FAM124B: variants seen among roughly 807,000 people sequenced by gnomAD.
The protein encoded by FAM124B is family with sequence similarity 124 member B.
In FAM124B, 18 loss-of-function variants were observed where a neutral mutation model predicts 19.7. The ratio of observed to expected loss-of-function variants is 0.92; its 90% CI spans 0.63 to 1.36. The LOEUF is 1.36. Ranked by LOEUF, FAM124B falls within the 40% of genes most tolerant of loss-of-function variation. FAM124B has a pLI of 0.00. For synonymous variants in FAM124B, 223 were observed against 225.2 expected (o/e 0.99, Z 0.09); for missense variants, 540 against 553.3 (o/e 0.98, Z 0.24).
intron 1 of FAM124B, among the ~76,000 whole-genome samples, chr2:224,398,361 G>A (rs1690009123): frequency 2.0e-5 from 3 of 152,086 alleles, no homozygotes. Flanking sequence ...GCCTCCCAAA[G>A]TGCTAGTATT....
At chr2:224,380,539 A>G (rs1265139507) in intron 1 of FAM124B, among the ~76,000 whole-genome samples, 1 of 152,206 alleles carries the variant, frequency 6.6e-6, no homozygotes, top group East Asian at 1.9e-4. Context: ...CAGTGACCTC[A>G]CTGGATGTTG....
chr2:224,400,333 C>T (rs1430686547), intron 1 of FAM124B: 2 of 612,174 alleles, frequency 3.3e-6, no homozygotes, highest in African/African-American at 1.8e-5. Flanking sequence ...CATAGTGAGA[C>T]CCCGTCTCTA....
chr2:224,380,613 G>GTTAA (rs1179374571), intron 1 of FAM124B, among the ~76,000 whole-genome samples: 1 of 152,196 alleles, frequency 6.6e-6, no homozygotes, highest in Non-Finnish European at 1.5e-5. Flanking sequence ...AAACCATGTG[G>GTTAA]TTAAAGTTAA....
intron 1 of FAM124B, among the ~76,000 whole-genome samples, chr2:224,387,817 A>AC (rs1229950234): frequency 6.6e-6 from 1 of 152,216 alleles, no homozygotes; most frequent in Non-Finnish European, 1.5e-5. Flanking sequence ...AGAAAGGAGA[A>AC]CATGGAGCCC....
At chr2:224,386,221 G>T (rs908885585) in intron 1 of FAM124B, among the ~76,000 whole-genome samples, 1 of 152,110 alleles carries the variant, frequency 6.6e-6, no homozygotes, top group Non-Finnish European at 1.5e-5. Context: ...TCCACATGCT[G>T]AAATGGAACA....
chr2:224,395,211 A>G (rs1475357561), intron 1 of FAM124B, among the ~76,000 whole-genome samples: 2 of 152,150 alleles, frequency 1.3e-5, no homozygotes. Context: ...CAGGAGATGA[A>G]TGCATCAGCA....
chr2:224,383,663 T>C (rs1559307920), intron 1 of FAM124B, among the ~76,000 whole-genome samples: 1 of 152,234 alleles, frequency 6.6e-6, no homozygotes, highest in Non-Finnish European at 1.5e-5. Flanking sequence ...CAATGAAGAC[T>C]ATTTGCTTAT....
chr2:224,386,030 A>G (rs1412229759), intron 1 of FAM124B, among the ~76,000 whole-genome samples: 2 of 152,090 alleles, frequency 1.3e-5, no homozygotes, highest in Non-Finnish European at 2.9e-5. Flanking sequence ...TGCTTCAGTG[A>G]CGCCCTACTC....
rs771660582 is a variant in FAM124B at position 224,401,633 on chromosome 2, C to T, written c.136G>A (p.Glu46Lys). 1.9e-6 allele frequency: 3 copies of T among 1,614,206 alleles called. No homozygotes were observed. The highest frequency in any genetic ancestry group is 1.1e-5 in the South Asian group (1 of 91,076). ...CAGTATTTCACAGGACTGGCCCGTTCAGACACCTGAAAGAGCCGGACCTCT... is the reference window on the plus strand; with the variant it reads ...CAGTATTTCACAGGACTGGCCCGTTTAGACACCTGAAAGAGCCGGACCTCT... ...CPEVRLFQVS[E>K]RASPVKYCEK... is the part of the protein sequence containing the mutation. Residue 46 changes from glutamate to lysine, a missense_variant, in exon 1 of 2, where the codon GAA becomes AAA. Physicochemically the swap from Glu to Lys is moderately conservative, Grantham distance 56. Coordinates refer to ENST00000409685, the MANE Select transcript of FAM124B (RefSeq NM_001122779.2).
chr2:224,393,511 G>A (rs1247480877), intron 1 of FAM124B, among the ~76,000 whole-genome samples: 1 of 152,182 alleles, frequency 6.6e-6, no homozygotes, highest in Non-Finnish European at 1.5e-5. Flanking sequence ...AATGGTGGTG[G>A]GAGGCGAGGT....
Position 224,379,392 on chromosome 2 carries a change from T to C in FAM124B, c.*181A>G. 1 of 901,546 alleles carries C rather than the reference T, an allele frequency of 1.1e-6. No individual in the cohort carries two copies. The highest frequency in any genetic ancestry group is 1.6e-6 in the Non-Finnish European group (1 of 631,598). The allele number at this position is 901,546 out of a possible 1,614,324, so 55.8% of individuals were successfully genotyped here. A position where few individuals can be genotyped will look rare whatever the true frequency, so the allele number is the denominator to read the frequency against. On this transcript the variant is annotated 3_prime_UTR_variant, in exon 2 of 2. Transcript: ENST00000409685. ...GTTCTCTTATGACTGTGACGGCAAATAAACAATCATTCCCAGCACCTTTAG... is the reference window on the plus strand; with the variant it reads ...GTTCTCTTATGACTGTGACGGCAAACAAACAATCATTCCCAGCACCTTTAG...
Position 224,401,849 on chromosome 2 carries a change from C to T in FAM124B, c.-81G>A. ...GTTTCTGAAATGAATGAAGAAGCGG[C>T]CCAGCCTTCAGCCCGCCTGAAAACC... On this transcript the variant is annotated 5_prime_UTR_variant, in exon 1 of 2. Transcript: ENST00000409685. 1 of 1,500,510 alleles carries T rather than the reference C, an allele frequency of 6.7e-7. No homozygotes were observed. The highest frequency in any genetic ancestry group is 9.0e-7 in the Non-Finnish European group (1 of 1,116,776). The allele number at this position is 1,500,510 out of a possible 1,614,324, so 92.9% of individuals were successfully genotyped here.
intron 1 of FAM124B, among the ~76,000 whole-genome samples, chr2:224,399,330 T>C (rs1314716360): frequency 1.3e-5 from 2 of 152,242 alleles, no homozygotes; most frequent in Non-Finnish European, 2.9e-5. Flanking sequence ...TATGGGGTTT[T>C]ATAATAGGCA....
At chr2:224,395,400 C>A (rs1689953558) in intron 1 of FAM124B, among the ~76,000 whole-genome samples, 2 of 152,146 alleles carry the variant, frequency 1.3e-5, no homozygotes, top group African/African-American at 4.8e-5. Context: ...ACTGAGGGCA[C>A]AGTTTAAGTT....
At chr2:224,386,824 T>G (rs1234187428) in intron 1 of FAM124B, among the ~76,000 whole-genome samples, 1 of 152,234 alleles carries the variant, frequency 6.6e-6, no homozygotes, top group Non-Finnish European at 1.5e-5. Flanking sequence ...AAAATATGAA[T>G]TTTTGCACAT....
chr2:224,391,808 G>A (rs916260328), intron 1 of FAM124B, among the ~76,000 whole-genome samples: 1 of 152,076 alleles, frequency 6.6e-6, no homozygotes, highest in African/African-American at 2.4e-5. Context: ...CTTTAAAGTG[G>A]AGATATTTAT....
In FAM124B at chr2:224,401,313, G is replaced by A. The variant is rs754436618; in HGVS notation, c.456C>T (p.Ala152=). 6.2e-7 allele frequency: 1 copy of A among 1,613,962 alleles called. No individual in the cohort carries two copies. Among genetic ancestry groups the A allele is most frequent in the Non-Finnish European group, 8.5e-7 (1 of 1,180,000 alleles). Residue 152 remains alanine, a synonymous_variant, in exon 1 of 2, where the codon GCC becomes GCT. Coordinates refer to ENST00000409685, the MANE Select transcript of FAM124B (RefSeq NM_001122779.2). ...GCAGGATCATCTCGTAGAGTCTGAT[G>A]GCGTCTTCATAGTTATCAAAACTGC... ...LYCSFDNYED[A]IRLYEMILQR... is the part of the protein sequence containing the mutation.
At chr2:224,396,242 A>C (rs1224885551) in intron 1 of FAM124B, among the ~76,000 whole-genome samples, 1 of 151,848 alleles carries the variant, frequency 6.6e-6, no homozygotes, top group Non-Finnish European at 1.5e-5. Flanking sequence ...GCCACATGAA[A>C]CCTCAGGAAG....
intron 1 of FAM124B, among the ~76,000 whole-genome samples, chr2:224,386,967 A>C: frequency 7.2e-6 from 1 of 138,376 alleles, no homozygotes; most frequent in Admixed American, 6.9e-5. Flanking sequence ...TTCTTAAGAG[A>C]GGGGAATGTC....
Sources: gnomAD v4.1 joint callset for allele counts (sites outside exome capture counted in the v4.1 genomes callset) on GRCh38, gnomAD v4.1.1 for gene constraint, MANE v1.5 for transcripts, NCBI Gene and HGNC (gene_info 2026-07-23, HGNC 2026-07-21) for gene names.